Variants in AK5 observed in about 807,000 individuals in gnomAD.
AK5 encodes the protein adenylate kinase 5, also known as adenylate kinase isoenzyme 5.
AK5 carries 27 observed loss-of-function variants against 69.5 expected under a neutral mutation model. The ratio of observed to expected loss-of-function variants is 0.39; its 90% CI spans 0.29 to 0.54. The LOEUF (loss-of-function observed/expected upper bound fraction) is 0.54, where lower values mean the gene tolerates loss of function less well. Ranked by LOEUF, AK5 falls within the 20% of genes least tolerant of loss-of-function variation. The probability of loss-of-function intolerance (pLI) is 0.71; values close to 1 mark genes in which losing one functional copy is unlikely to be tolerated. For synonymous variants in AK5, 260 were observed against 244.4 expected, an observed-to-expected ratio of 1.06 and a Z score of -0.60; for missense variants, 531 against 700.4, an observed-to-expected ratio of 0.76 and a Z score of 2.73.
At chr1:77,341,579 T>G (rs1377121969) in intron 6 of AK5, among the ~76,000 whole-genome samples, 1 of 152,252 alleles carries the variant, frequency 6.6e-6, no homozygotes, top group East Asian at 1.9e-4. Context: ...AGAGAGCTCC[T>G]GTGATCTTGA....
chr1:77,417,096 T>C (rs1340421290), intron 7 of AK5, among the ~76,000 whole-genome samples: 2 of 152,126 alleles, frequency 1.3e-5, no homozygotes, highest in Non-Finnish European at 2.9e-5. Context: ...CTTCAGCAAC[T>C]AAGGTGACCC....
intron 5 of AK5, among the ~76,000 whole-genome samples, chr1:77,336,058 G>C (rs1297533767): frequency 2.7e-5 from 4 of 150,036 alleles, no homozygotes; most frequent in Non-Finnish European, 5.9e-5. Context: ...AGGTTACCAT[G>C]AGGCTTGCAC....
chr1:77,554,467 A>G (rs931175478), intron 13 of AK5, among the ~76,000 whole-genome samples: 3 of 152,106 alleles, frequency 2.0e-5, no homozygotes, highest in African/African-American at 7.2e-5. Context: ...ATAGAGGAGG[A>G]AACTGAGGCC....
chr1:77,502,837 G>T (rs999306000), intron 10 of AK5, among the ~76,000 whole-genome samples: 4 of 152,270 alleles, frequency 2.6e-5, no homozygotes, highest in African/African-American at 9.6e-5. Flanking sequence ...TTCTTTTGGA[G>T]CTGCCCAACA....
At chr1:77,533,546 T>C (rs1658783997) in intron 12 of AK5, among the ~76,000 whole-genome samples, 1 of 147,450 alleles carries the variant, frequency 6.8e-6, no homozygotes, top group Non-Finnish European at 1.5e-5. Context: ...CAGATTCTGC[T>C]TCAGCAGGTC....
rs1218917751 is a variant in AK5, at chr1:77,486,239, A to G, written c.1103-69A>G. 6 of 1,038,422 alleles carry G rather than the reference A, an allele frequency of 5.8e-6. No homozygotes were observed. The East Asian group carries it at 1.5e-4, about 26-fold the overall frequency. 64.3% of individuals were successfully genotyped at this position (1,038,422 alleles called of 1,614,324 possible). On this transcript the variant is annotated intron_variant, in intron 9 of 13. Transcript: ENST00000354567. ...AACTACAAGGTTTGGGTTTTTATAT[A>G]ATATGAGTAAAACCAGGGCTTCAGT... is the stretch of plus-strand genomic sequence containing the variant.
intron 8 of AK5, among the ~76,000 whole-genome samples, chr1:77,444,258 GTA>G (rs1300200232): frequency 1.4e-4 from 5 of 36,616 alleles, no homozygotes; most frequent in East Asian, 1.2e-3. Context: ...CAACATATGT[GTA>G]TATATATAGT....
chr1:77,510,228 T>C (rs1419287026), intron 10 of AK5, among the ~76,000 whole-genome samples: 1 of 152,150 alleles, frequency 6.6e-6, no homozygotes, highest in Non-Finnish European at 1.5e-5. Context: ...AGTGAAGTGG[T>C]TTCTGCCCTC....
At chr1:77,414,390 A>G (rs1012863095) in intron 7 of AK5, among the ~76,000 whole-genome samples, 1 of 152,110 alleles carries the variant, frequency 6.6e-6, no homozygotes, top group Non-Finnish European at 1.5e-5. Flanking sequence ...CAATTGTAGG[A>G]GTGTCTTTAT....
At chr1:77,394,344 G>T (rs1474886069) in intron 6 of AK5, among the ~76,000 whole-genome samples, 1 of 152,142 alleles carries the variant, frequency 6.6e-6, no homozygotes, top group Non-Finnish European at 1.5e-5. Flanking sequence ...CATGGGCCTG[G>T]AATATTGTGG....
chr1:77,408,405 G>GT (rs1191093535), intron 6 of AK5, among the ~76,000 whole-genome samples: 1 of 152,014 alleles, frequency 6.6e-6, no homozygotes, highest in African/African-American at 2.4e-5. Context: ...ATTTTTTCAT[G>GT]TTTTTTGGCC....
chr1:77,303,172 C>T (rs1259919115), intron 5 of AK5, among the ~76,000 whole-genome samples: 1 of 152,148 alleles, frequency 6.6e-6, no homozygotes, highest in African/African-American at 2.4e-5. Flanking sequence ...AGTTTTAGTC[C>T]TCACATTCAT....
chr1:77,506,126 G>T (rs1184878226), intron 10 of AK5, among the ~76,000 whole-genome samples: 1 of 152,052 alleles, frequency 6.6e-6, no homozygotes, highest in Non-Finnish European at 1.5e-5. Context: ...AGCAGCTCTG[G>T]TCTGTCAATT....
intron 6 of AK5, among the ~76,000 whole-genome samples, chr1:77,341,085 G>A (rs1186854393): frequency 2.0e-5 from 3 of 152,172 alleles, no homozygotes; most frequent in Non-Finnish European, 2.9e-5. Context: ...CAAAATGGGA[G>A]GTAGTCACCC....
chr1:77,526,022 G>A (rs1017199491), intron 12 of AK5, among the ~76,000 whole-genome samples: 1 of 152,152 alleles, frequency 6.6e-6, no homozygotes, highest in African/African-American at 2.4e-5. Flanking sequence ...TAAATCTGTA[G>A]ATCACTTTGG....
chr1:77,505,538 T>C (rs1240151682), intron 10 of AK5, among the ~76,000 whole-genome samples: 5 of 152,148 alleles, frequency 3.3e-5, no homozygotes, highest in Admixed American at 6.5e-5. Flanking sequence ...GTAAGGAGCA[T>C]ATATTTCTTT....
chr1:77,504,496 C>T (rs1180105648), intron 10 of AK5, among the ~76,000 whole-genome samples: 4 of 151,802 alleles, frequency 2.6e-5, no homozygotes, highest in African/African-American at 9.7e-5. Flanking sequence ...TAAAAACCTA[C>T]TTTTTATACT....
At chr1:77,286,088 A>G (rs1304419627) in intron 1 of AK5, among the ~76,000 whole-genome samples, 1 of 152,220 alleles carries the variant, frequency 6.6e-6, no homozygotes, top group Non-Finnish European at 1.5e-5. Context: ...CTAGGGATTC[A>G]GAGAAGACTT....
chr1:77,299,014 T>A (rs1659185593), intron 5 of AK5, among the ~76,000 whole-genome samples: 1 of 152,206 alleles, frequency 6.6e-6, no homozygotes, highest in African/African-American at 2.4e-5. Flanking sequence ...CTTACATGCA[T>A]ACATACATGT....
Sources: gnomAD v4.1 joint callset for allele counts (sites outside exome capture counted in the v4.1 genomes callset) on GRCh38, gnomAD v4.1.1 for gene constraint, MANE v1.5 for transcripts, NCBI Gene and HGNC (gene_info 2026-07-23, HGNC 2026-07-21) for gene names.